Variants in MTBP observed in about 807,000 individuals in gnomAD.
MTBP encodes the protein mdm2-binding protein.
A neutral mutation model predicts 117.0 loss-of-function variants in MTBP; 101 were observed. That is an observed-to-expected ratio of 0.86 (90% CI 0.73 to 1.02). MTBP has a LOEUF of 1.02. MTBP is among the 50% of genes least tolerant of loss of function. The probability of loss-of-function intolerance (pLI) is 0.00; values close to 1 mark genes in which losing one functional copy is unlikely to be tolerated. For missense variants in MTBP, 970 were observed against 1,030.9 expected, an observed-to-expected ratio of 0.94 and a Z score of 0.81; for synonymous variants, 350 against 351.5, an observed-to-expected ratio of 1.00 and a Z score of 0.05.
chr8:120,453,199 C>T (rs1381876412), intron 4 of MTBP, among the ~76,000 whole-genome samples: 4 of 152,130 alleles, frequency 2.6e-5, no homozygotes, highest in Non-Finnish European at 4.4e-5. Flanking sequence ...GCCTGTAATG[C>T]CAGCACTTTG....
At chr8:120,446,012 A>G (rs778148237) in intron 1 of MTBP, among the ~76,000 whole-genome samples, 1 of 152,206 alleles carries the variant, frequency 6.6e-6, no homozygotes, top group African/African-American at 2.4e-5. Flanking sequence ...AGTTTTAAAA[A>G]CAAATGATGA....
At chr8:120,517,709 G>A in intron 18 of MTBP, 142 bp from the exon 19 acceptor site, 1 of 688,478 alleles carries the variant, frequency 1.5e-6, no homozygotes, top group Non-Finnish European at 2.4e-6. Flanking sequence ...GTATAATATA[G>A]TGGTAACACA....
rs1388592823 is a variant in MTBP at position 120,461,177 on chromosome 8, G to A, written c.899G>A (p.Gly300Asp). ...NILPKVFHYY[G>D]PALEFVQMIK... ...CTTTTCTAGGTTTTCCATTATTATGGCCCTGCTTTAGAATTTGTGCAGATG... is the reference window on the plus strand; with the variant it reads ...CTTTTCTAGGTTTTCCATTATTATGACCCTGCTTTAGAATTTGTGCAGATG... The change falls in exon 9 of 22, where the codon GGC becomes GAC. Residue 300 changes from glycine (G) to aspartate (D), a missense_variant. Gly to Asp is a moderately conservative substitution (Grantham distance 94, BLOSUM62 -1). Transcript: ENST00000305949. 6.3e-7 allele frequency: 1 copy of A among 1,592,728 alleles called. No homozygotes were observed. Among genetic ancestry groups the A allele is most frequent in the African/African-American group, 1.3e-5 (1 of 74,170 alleles).
At chr8:120,490,428 A>G (rs748699441) in intron 12 of MTBP, 35 bp from the exon 13 acceptor site, 7 of 1,365,266 alleles carry the variant, frequency 5.1e-6, no homozygotes, top group South Asian at 1.2e-5. Context: ...AAAGGGCATC[A>G]TTAATGTTGA....
In MTBP at chr8:120,459,313, G is replaced by T. The variant is rs752655084; in HGVS notation, c.846G>T (p.Lys282Asn). 2.7e-5 allele frequency: 43 copies of T among 1,611,816 alleles called. No homozygotes were observed. Among genetic ancestry groups the T allele is most frequent in the Non-Finnish European group, 3.2e-5 (38 of 1,179,136 alleles). ...SNLNTDFLAKKIIPSKDKNIL... is the reference protein window; with the variant it reads ...SNLNTDFLAKNIIPSKDKNIL... ...TAAATACTGACTTCCTTGCCAAAAA[G>T]ATCATACCATCAAAGGATAAGAATA... is the stretch of plus-strand genomic sequence containing the variant. The change falls in exon 8 of 22, where the codon AAG becomes AAT. Residue 282 changes from lysine to asparagine, a missense_variant. Coordinates refer to ENST00000305949, the MANE Select transcript of MTBP (RefSeq NM_022045.5).
chr8:120,514,382 C>G (rs934321145), intron 17 of MTBP, among the ~76,000 whole-genome samples: 1 of 152,022 alleles, frequency 6.6e-6, no homozygotes, highest in Non-Finnish European at 1.5e-5. Flanking sequence ...TCCCCATCCC[C>G]ATAACCACTA....
intron 17 of MTBP, among the ~76,000 whole-genome samples, chr8:120,513,735 A>G (rs1482554824): frequency 6.6e-6 from 1 of 152,014 alleles, no homozygotes; most frequent in East Asian, 1.9e-4. Context: ...AATTTTCTGT[A>G]TTCAAGCTCA....
intron 11 of MTBP, among the ~76,000 whole-genome samples, chr8:120,484,075 ATTG>A (rs1439625491): frequency 6.6e-6 from 1 of 152,098 alleles, no homozygotes; most frequent in African/African-American, 2.4e-5. Flanking sequence ...GGAAAATAAG[ATTG>A]TTGTAATTAC....
At chr8:120,495,200 C>T (rs749947665) in intron 13 of MTBP, among the ~76,000 whole-genome samples, 6 of 152,148 alleles carry the variant, frequency 3.9e-5, no homozygotes, top group Non-Finnish European at 7.4e-5. Context: ...ATTTACTTCA[C>T]TAATAAAATT....
Position 120,456,540 on chromosome 8 carries a change from CT to C in MTBP, c.630-5del, listed in dbSNP as rs750625402. On this transcript the variant is annotated splice_polypyrimidine_tract_variant and intron_variant, in intron 6 of 21. Coordinates refer to ENST00000305949, the MANE Select transcript of MTBP (RefSeq NM_022045.5). Reference sequence around the variant, plus strand: ...AAACCCTGTGTTTAATTGTTGTAATCTTTTTTTTATAGAAACTGTCAGAAAA... The same window carrying C: ...AAACCCTGTGTTTAATTGTTGTAATCTTTTTTTATAGAAACTGTCAGAAAA... 88 of 1,356,742 alleles carry C rather than the reference CT, an allele frequency of 6.5e-5. No individual in the cohort carries two copies. Among genetic ancestry groups the C allele is most frequent in the Admixed American group, 1.1e-4 (6 of 52,876 alleles). The allele number at this position is 1,356,742 out of a possible 1,614,324, so 84.0% of individuals were successfully genotyped here.
At position 120,473,925 on chromosome 8, in the gene MTBP, A is replaced by G. The variant is rs532146725; in HGVS notation, c.1165+2988A>G. 9.2e-5 allele frequency: 14 copies of G among 152,214 alleles called. No homozygotes were observed. The East Asian group carries it at 2.3e-3, about 25-fold the overall frequency. 9.4% of individuals were successfully genotyped at this position (152,214 alleles called of 1,614,324 possible). ...ATCATAATATTAACATCTCCTTAAT[A>G]AACTTGAGTGTATTCTGGCAACCCA... is the stretch of plus-strand genomic sequence containing the variant. On this transcript the variant is annotated intron_variant, in intron 11 of 21. Transcript: ENST00000305949.
chr8:120,506,988 G>A (rs1467662593), intron 16 of MTBP, 127 bp downstream of exon 16: 2 of 733,066 alleles, frequency 2.7e-6, no homozygotes, highest in South Asian at 2.4e-5. Context: ...TGATCCCAAT[G>A]TTTGTCTGTT....
intron 17 of MTBP, among the ~76,000 whole-genome samples, chr8:120,515,083 C>T (rs918393652): frequency 6.6e-6 from 1 of 151,820 alleles, no homozygotes; most frequent in Non-Finnish European, 1.5e-5. Context: ...CTTTTGGATA[C>T]AAAAATCTGA....
At chr8:120,509,789 A>G in intron 16 of MTBP, 145 bp from the exon 17 acceptor site, 1 of 533,868 alleles carries the variant, frequency 1.9e-6, no homozygotes, top group East Asian at 2.9e-5. Context: ...TCCTTATTAT[A>G]CTTTCTGGTG....
chr8:120,478,729 A>C (rs1156664388), intron 11 of MTBP, among the ~76,000 whole-genome samples: 1 of 152,206 alleles, frequency 6.6e-6, no homozygotes, highest in Non-Finnish European at 1.5e-5. Flanking sequence ...CATTCAAATC[A>C]CCATGGTGAA....
chr8:120,516,056 C>G lies in MTBP; in HGVS notation c.2111C>G (p.Pro704Arg). ...ESFPVPTVLSPLPSPVVSSDP... is the reference protein window; with the variant it reads ...ESFPVPTVLSRLPSPVVSSDP... ...TTTCCAGTACCTACTGTGTTGAGCC[C>G]TCTTCCATCTCCTGTAGTTTCGTCA... The change falls in exon 18 of 22, where the codon CCT becomes CGT. Residue 704 changes from proline (P) to arginine (R), a missense_variant. Transcript: ENST00000305949. 1 of 1,613,066 alleles carries G rather than the reference C, an allele frequency of 6.2e-7. No homozygotes were observed. The highest frequency in any genetic ancestry group is 8.5e-7 in the Non-Finnish European group (1 of 1,179,228).
chr8:120,453,846 G>T lies in MTBP; in HGVS notation c.426-1G>T. 2 of 1,545,628 alleles carry T rather than the reference G, an allele frequency of 1.3e-6. No individual in the cohort carries two copies. Among genetic ancestry groups the T allele is most frequent in the Non-Finnish European group, 1.8e-6 (2 of 1,134,554 alleles). On this transcript the variant is annotated splice_acceptor_variant, in intron 4 of 21. Coordinates refer to ENST00000305949, the MANE Select transcript of MTBP (RefSeq NM_022045.5). LOFTEE classifies it high-confidence loss of function. Reference sequence around the variant, plus strand: ...TTCCCTAACTTACCCTTTTATTTTAGTCTCTATGAAGAAGCTGCAGAAAAT... The same window carrying T: ...TTCCCTAACTTACCCTTTTATTTTATTCTCTATGAAGAAGCTGCAGAAAAT...
At chr8:120,465,851 A>G (rs1325446722) in intron 10 of MTBP, among the ~76,000 whole-genome samples, 2 of 152,024 alleles carry the variant, frequency 1.3e-5, no homozygotes, top group African/African-American at 4.8e-5. Flanking sequence ...TTCAAGTCAA[A>G]ATGAGATCTG....
chr8:120,464,195 T>A (rs1482052377), intron 10 of MTBP, among the ~76,000 whole-genome samples: 3 of 152,158 alleles, frequency 2.0e-5, no homozygotes, highest in East Asian at 3.9e-4. Flanking sequence ...GAGTTTTCAA[T>A]TTTTCTTTCT....
Sources: allele counts gnomAD v4.1 joint callset (sites outside exome capture counted in the v4.1 genomes callset), GRCh38; gene constraint gnomAD v4.1.1; transcripts MANE v1.5; gene names NCBI Gene and HGNC (gene_info 2026-07-23, HGNC 2026-07-21).